The following DYNC2H1 variants were observed in gnomAD, a reference collection of about 807,000 sequenced individuals.
DYNC2H1 encodes the protein dynein cytoplasmic 2 heavy chain 1, also known as cytoplasmic dynein 2 heavy chain 1.
A neutral mutation model predicts 570.0 loss-of-function variants in DYNC2H1; 410 were observed. The observed-to-expected ratio is 0.72, with a 90% CI of 0.66 to 0.78. The LOEUF (loss-of-function observed/expected upper bound fraction) is 0.78. DYNC2H1 is among the 30% of genes least tolerant of loss of function. The probability of loss-of-function intolerance (pLI) is 0.00; values close to 1 mark genes in which losing one functional copy is unlikely to be tolerated. For synonymous variants in DYNC2H1, 1,688 were observed against 1,677.6 expected, an observed-to-expected ratio of 1.01 and a Z score of -0.15; for missense variants, 4,865 against 5,046.4, an observed-to-expected ratio of 0.96 and a Z score of 1.09.
chr11:103,390,383 A>C (rs538231215), intron 83 of DYNC2H1, among the ~76,000 whole-genome samples: 7 of 150,376 alleles, frequency 4.7e-5, no homozygotes, highest in South Asian at 2.1e-4. Context: ...TTTTGAGTCT[A>C]TATGTGTCTC....
rs1864569138 is a variant in DYNC2H1 at position 103,245,244 on chromosome 11, C to T, written c.9919-7C>T. Reference sequence around the variant, plus strand: ...TAATTAATACGTATTCTTTTTTATTCAATTAGGATAGTAACTTTATCACAG... The same window carrying T: ...TAATTAATACGTATTCTTTTTTATTTAATTAGGATAGTAACTTTATCACAG... On this transcript the variant is annotated splice_region_variant and splice_polypyrimidine_tract_variant and intron_variant, in intron 64 of 88. Transcript: ENST00000375735. This position sits in a 1 kb window ranked among gnomAD's most constrained non-coding sequence, Gnocchi z 4.5. 2 of 1,513,534 alleles carry T rather than the reference C, an allele frequency of 1.3e-6. No homozygotes were observed. Among genetic ancestry groups the T allele is most frequent in the African/African-American group, 2.8e-5 (2 of 71,562 alleles). 93.8% of individuals were successfully genotyped at this position (1,513,534 alleles called of 1,614,324 possible).
chr11:103,297,875 G>T (rs1199706761), intron 75 of DYNC2H1, among the ~76,000 whole-genome samples: 1 of 151,912 alleles, frequency 6.6e-6, no homozygotes, highest in African/African-American at 2.4e-5. Flanking sequence ...CCTTTTATTT[G>T]TTGTCTCTAT....
chr11:103,178,878 G>A (rs1006808929), intron 38 of DYNC2H1, 148 bp from the exon 39 acceptor site: 7 of 682,214 alleles, frequency 1.0e-5, no homozygotes, highest in African/African-American at 7.2e-5. Context: ...TGAGTCTTTG[G>A]CCAGCTGAGC....
chr11:103,468,033 G>A (rs1945249483), intron 87 of DYNC2H1, among the ~76,000 whole-genome samples: 1 of 152,098 alleles, frequency 6.6e-6, no homozygotes, highest in South Asian at 2.1e-4. Flanking sequence ...GAAATATGAA[G>A]ATAATAATAC....
chr11:103,195,977 A>G (rs1244158306), intron 47 of DYNC2H1, among the ~76,000 whole-genome samples: 4 of 152,238 alleles, frequency 2.6e-5, no homozygotes, highest in East Asian at 1.9e-4. Flanking sequence ...CAAGGGAAAA[A>G]CAATGTGCAA....
chr11:103,394,327 T>C (rs1463223073), intron 83 of DYNC2H1, among the ~76,000 whole-genome samples: 3 of 152,146 alleles, frequency 2.0e-5, no homozygotes, highest in Non-Finnish European at 4.4e-5. Flanking sequence ...CAACCAACCA[T>C]AGATTGAAAA....
At chr11:103,112,176 CTG>C (rs1858147640) in intron 1 of DYNC2H1, among the ~76,000 whole-genome samples, 2 of 152,084 alleles carry the variant, frequency 1.3e-5, no homozygotes, top group South Asian at 4.2e-4. Context: ...GCAAAAGAAA[CTG>C]TAAGTACCAA....
Position 103,241,016 on chromosome 11 carries a change from T to G in DYNC2H1, c.9820-2677T>G, listed in dbSNP as rs1962645. On this transcript the variant is annotated intron_variant, in intron 63 of 88. Transcript: ENST00000375735. This position sits in a 1 kb window ranked among gnomAD's most constrained non-coding sequence, Gnocchi z 5.1. The stretch of plus-strand genomic sequence containing the variant: ...TTTTATTCCCCTCTATATCATGCTG[T>G]TGTTTTTGCCTGAAATGTTTTTCTT... 0.18 allele frequency among the ~76,000 whole-genome samples: 26,773 copies of G among 152,108 alleles called. 3,003 individuals carry two copies. The highest frequency in any genetic ancestry group is 0.32 in the African/African-American group (13,316 of 41,460).
rs1225112121 is a variant in DYNC2H1 at position 103,439,957 on chromosome 11, T to C, written c.12456+3925T>C. 6.6e-6 allele frequency among the ~76,000 whole-genome samples: 1 copy of C among 152,142 alleles called. No homozygotes were observed. Among genetic ancestry groups the C allele is most frequent in the Non-Finnish European group, 1.5e-5 (1 of 68,014 alleles). ...CACTCTGTGTTTTCCCTTTGGCTTGTAGCGTATCCCTTACAGCAGTATATT... is the reference window on the plus strand; with the variant it reads ...CACTCTGTGTTTTCCCTTTGGCTTGCAGCGTATCCCTTACAGCAGTATATT... On this transcript the variant is annotated intron_variant, in intron 85 of 88. Coordinates refer to ENST00000375735, the MANE Select transcript of DYNC2H1 (RefSeq NM_001377.3). This position sits in a 1 kb window ranked among gnomAD's most constrained non-coding sequence, Gnocchi z 4.1.
At position 103,135,836 on chromosome 11, in the gene DYNC2H1, A is replaced by G; in HGVS notation, c.2462A>G (p.Asp821Gly). The change falls in exon 17 of 89, where the codon GAT (aspartate) becomes GGT (glycine). Residue 821 changes from aspartate to glycine, a missense_variant. Around this residue, in one of 5 missense-constraint regions of DYNC2H1, gnomAD observed 1,936 missense variants for 1,962.1 expected, o/e 0.99. Transcript: ENST00000375735. ...NQFKGVGEAG[D>G]ESIFSIMIDR... The stretch of plus-strand genomic sequence containing the variant: ...TTTAAGGGAGTGGGTGAGGCAGGAG[A>G]TGAATCTATTTTTTCTATTATGATT... 1 of 1,613,216 alleles carries G rather than the reference A, an allele frequency of 6.2e-7. No individual in the cohort carries two copies.
intron 82 of DYNC2H1, among the ~76,000 whole-genome samples, chr11:103,351,693 T>C (rs776517848): frequency 4.3e-4 from 65 of 152,190 alleles, no homozygotes; most frequent in Non-Finnish European, 8.7e-4. Flanking sequence ...ATGTTTGATG[T>C]TTATTTCTTG....
chr11:103,137,285 A>G (rs1381551093), intron 17 of DYNC2H1, among the ~76,000 whole-genome samples: 1 of 144,936 alleles, frequency 6.9e-6, no homozygotes, highest in Non-Finnish European at 1.5e-5. Flanking sequence ...GGTGTTTTAG[A>G]CATGAAGTCG....
At chr11:103,331,906 A>G (rs539226042) in intron 82 of DYNC2H1, among the ~76,000 whole-genome samples, 2 of 152,130 alleles carry the variant, frequency 1.3e-5, no homozygotes, top group East Asian at 3.9e-4. Context: ...TAAAAATACA[A>G]AAAATTAGCC....
At chr11:103,132,589 C>T (rs1027398560) in intron 13 of DYNC2H1, among the ~76,000 whole-genome samples, 1 of 151,724 alleles carries the variant, frequency 6.6e-6, no homozygotes, top group African/African-American at 2.4e-5. Context: ...TATTATGATG[C>T]ACTGTATAAT....
intron 65 of DYNC2H1, among the ~76,000 whole-genome samples, chr11:103,250,748 C>T (rs1172457265): frequency 2.6e-5 from 4 of 151,832 alleles, no homozygotes; most frequent in African/African-American, 4.8e-5. Flanking sequence ...CCTTTAAGCC[C>T]TTCTTCAGCT....
rs1861854906 is a variant in DYNC2H1, at chr11:103,177,134, AT to A, written c.5875-418del. Among the ~76,000 whole-genome samples, 1 of 152,074 alleles carries A rather than the reference AT, an allele frequency of 6.6e-6. No homozygotes were observed. Among genetic ancestry groups the A allele is most frequent in the African/African-American group, 2.4e-5 (1 of 41,404 alleles). On this transcript the variant is annotated intron_variant, in intron 37 of 88. Coordinates refer to ENST00000375735, the MANE Select transcript of DYNC2H1 (RefSeq NM_001377.3). The surrounding 1 kb of genome is among the most constrained non-coding windows in gnomAD (Gnocchi z 4.4). ...AGTTTCATTTTGATAATTTATTAGG[AT>A]TTTAAGTGAGTCTCTTTATGTAGTG... is the stretch of plus-strand genomic sequence containing the variant.
chr11:103,153,558 A>G (rs1178030466), intron 22 of DYNC2H1, 50 bp downstream of exon 22: 13 of 1,434,360 alleles, frequency 9.1e-6, no homozygotes, highest in Non-Finnish European at 1.2e-5. Flanking sequence ...AAAACAATTT[A>G]TATATCAAGC....
At chr11:103,475,386 G>C (rs1166647896) in intron 88 of DYNC2H1, among the ~76,000 whole-genome samples, 2 of 152,048 alleles carry the variant, frequency 1.3e-5, no homozygotes, top group Non-Finnish European at 1.5e-5. Flanking sequence ...AGTGTCTTAT[G>C]TTTTGCCTGT....
At chr11:103,225,898 CCATTTGTTTGTAT>C (rs1316877089) in intron 59 of DYNC2H1, among the ~76,000 whole-genome samples, 1 of 151,284 alleles carries the variant, frequency 6.6e-6, no homozygotes, top group Non-Finnish European at 1.5e-5. Context: ...GGATATGTTT[CCATTTGTTTGTAT>C]CATTTGTTTG....
Sources: allele counts gnomAD v4.1 joint callset (sites outside exome capture counted in the v4.1 genomes callset), GRCh38; gene constraint gnomAD v4.1.1; regional missense constraint gnomAD v4.1.1; non-coding constraint Gnocchi (gnomAD v3.1); transcripts MANE v1.5; gene names NCBI Gene and HGNC (gene_info 2026-07-23, HGNC 2026-07-21).